CLSTN2: variants seen among roughly 807,000 people sequenced by gnomAD.
CLSTN2 encodes the protein calsyntenin 2, also known as calsyntenin-2.
Under a neutral mutation model 101.2 loss-of-function variants are expected in CLSTN2, and 48 were observed. That is an observed-to-expected ratio of 0.47 (90% confidence interval 0.38 to 0.60). CLSTN2 has a LOEUF of 0.60. CLSTN2 is among the 20% of genes least tolerant of loss of function. CLSTN2 has a pLI of 0.00. For missense variants in CLSTN2, 1,160 were observed against 1,238.2 expected, an observed-to-expected ratio of 0.94 and a Z score of 0.95; for synonymous variants, 481 against 463.6, an observed-to-expected ratio of 1.04 and a Z score of -0.48.
intron 5 of CLSTN2, among the ~76,000 whole-genome samples, chr3:140,441,425 C>T (rs376923446): frequency 9.2e-5 from 14 of 152,356 alleles, no homozygotes; most frequent in African/African-American, 3.4e-4. Flanking sequence ...CATTGTATGT[C>T]AGGCACTCTG....
At chr3:140,343,019 G>A (rs2087507228) in intron 2 of CLSTN2, among the ~76,000 whole-genome samples, 2 of 152,178 alleles carry the variant, frequency 1.3e-5, no homozygotes, top group African/African-American at 4.8e-5. Flanking sequence ...TCCCAGACGG[G>A]AGGAGTAGTC....
chr3:139,969,119 A>G (rs1356353007), intron 1 of CLSTN2, among the ~76,000 whole-genome samples: 1 of 152,074 alleles, frequency 6.6e-6, no homozygotes, highest in Admixed American at 6.6e-5. Context: ...AGCCTGCGAG[A>G]TGGATAGGAA....
chr3:140,339,321 C>G (rs916397263), intron 2 of CLSTN2, among the ~76,000 whole-genome samples: 6 of 152,162 alleles, frequency 3.9e-5, no homozygotes, highest in Admixed American at 3.9e-4. Context: ...CTCTCTCTCT[C>G]TCTCTCTTCC....
chr3:140,165,154 T>G (rs1373893463), intron 1 of CLSTN2, among the ~76,000 whole-genome samples: 1 of 152,176 alleles, frequency 6.6e-6, no homozygotes, highest in East Asian at 1.9e-4. Context: ...CACATGGGAT[T>G]TGTATTTAAA....
intron 1 of CLSTN2, among the ~76,000 whole-genome samples, chr3:140,048,640 T>C (rs2007929057): frequency 6.6e-6 from 1 of 152,180 alleles, no homozygotes; most frequent in African/African-American, 2.4e-5. Flanking sequence ...CCTAGGGTCA[T>C]ATAGCTAGAG....
At chr3:140,179,268 G>T (rs1056407110) in intron 2 of CLSTN2, among the ~76,000 whole-genome samples, 3 of 151,458 alleles carry the variant, frequency 2.0e-5, no homozygotes, top group African/African-American at 7.3e-5. Flanking sequence ...ACCCCAGAAA[G>T]GCTCTTTTAA....
At chr3:140,523,014 G>T (rs1935063773) in intron 8 of CLSTN2, among the ~76,000 whole-genome samples, 1 of 152,216 alleles carries the variant, frequency 6.6e-6, no homozygotes, top group South Asian at 2.1e-4. Flanking sequence ...TGTATTGAGA[G>T]GTTTTGAGTT....
At chr3:140,417,118 TG>T (rs1234801604) in intron 4 of CLSTN2, among the ~76,000 whole-genome samples, 1 of 152,248 alleles carries the variant, frequency 6.6e-6, no homozygotes. Flanking sequence ...ATAGTTTTTC[TG>T]TAAAGTTTTT....
At chr3:140,299,961 T>C (rs1289865158) in intron 2 of CLSTN2, among the ~76,000 whole-genome samples, 2 of 152,154 alleles carry the variant, frequency 1.3e-5, no homozygotes, top group Non-Finnish European at 2.9e-5. Context: ...CATGTGATGA[T>C]GGTTTTGTGT....
At chr3:140,565,953 G>A (rs1936016394) in intron 16 of CLSTN2, 100 bp from the exon 17 acceptor site, 2 of 1,422,580 alleles carry the variant, frequency 1.4e-6, no homozygotes, top group Admixed American at 2.0e-5. Flanking sequence ...GAAATTCCAA[G>A]GGGCCGTAAA....
chr3:140,103,023 C>A (rs2008994603), intron 1 of CLSTN2, among the ~76,000 whole-genome samples: 1 of 152,170 alleles, frequency 6.6e-6, no homozygotes, highest in South Asian at 2.1e-4. Flanking sequence ...AATCACATAA[C>A]TTACTGCCTA....
intron 1 of CLSTN2, among the ~76,000 whole-genome samples, chr3:140,005,630 C>A (rs1035777200): frequency 1.3e-5 from 2 of 152,122 alleles, no homozygotes; most frequent in Non-Finnish European, 2.9e-5. Flanking sequence ...CGTTGAACAG[C>A]TAGTTAGACC....
chr3:140,458,793 G>A (rs934172362), intron 6 of CLSTN2, among the ~76,000 whole-genome samples: 1 of 152,154 alleles, frequency 6.6e-6, no homozygotes, highest in Non-Finnish European at 1.5e-5. Context: ...ATCTCATTCA[G>A]CCCTCACAAC....
chr3:139,971,516 G>C (rs912487387), intron 1 of CLSTN2, among the ~76,000 whole-genome samples: 3 of 152,226 alleles, frequency 2.0e-5, no homozygotes, highest in Non-Finnish European at 4.4e-5. Flanking sequence ...AGAATGCAGA[G>C]CATTGCAGAC....
chr3:140,254,421 T>C (rs770546398), intron 2 of CLSTN2, among the ~76,000 whole-genome samples: 2 of 152,182 alleles, frequency 1.3e-5, no homozygotes, highest in Non-Finnish European at 2.9e-5. Flanking sequence ...TGTACATTTT[T>C]ATGGGAAGCA....
chr3:140,215,831 T>A (rs2010913805), intron 2 of CLSTN2, among the ~76,000 whole-genome samples: 2 of 152,232 alleles, frequency 1.3e-5, no homozygotes, highest in South Asian at 4.1e-4. Context: ...GTGCTTGACA[T>A]ATGGTGAGTA....
intron 1 of CLSTN2, among the ~76,000 whole-genome samples, chr3:140,168,267 C>T (rs2107823908): frequency 6.6e-6 from 1 of 152,200 alleles, no homozygotes; most frequent in East Asian, 1.9e-4. Context: ...TTACATGCCC[C>T]TAATGACTAT....
chr3:140,310,411 G>T (rs749454808), intron 2 of CLSTN2, among the ~76,000 whole-genome samples: 2 of 151,978 alleles, frequency 1.3e-5, no homozygotes, highest in African/African-American at 2.4e-5. Context: ...CCCAGGCCTC[G>T]GTGCTTTTAA....
At chr3:140,403,904 A>G (rs1406455451) in intron 3 of CLSTN2, 80 bp downstream of exon 3, 2 of 1,175,634 alleles carry the variant, frequency 1.7e-6, no homozygotes, top group Non-Finnish European at 2.4e-6. Flanking sequence ...CTCTTCAGAT[A>G]TGTTTACCCT....
Sources: allele counts gnomAD v4.1 joint callset (sites outside exome capture counted in the v4.1 genomes callset), GRCh38; gene constraint gnomAD v4.1.1; transcripts MANE v1.5; gene names NCBI Gene and HGNC (gene_info 2026-07-23, HGNC 2026-07-21).